Variants in NHS observed in about 807,000 individuals in gnomAD.
The protein encoded by NHS is NHS actin remodeling regulator.
A neutral mutation model predicts 72.5 loss-of-function variants in NHS; 5 were observed. The observed-to-expected ratio is 0.07, with a 90% confidence interval of 0.04 to 0.14. The LOEUF (loss-of-function observed/expected upper bound fraction) is 0.14. Among genes scored for constraint, NHS ranks in the 10% least tolerant of loss-of-function variants. The pLI, the probability that NHS is intolerant of heterozygous loss-of-function variation, is 1.00. For synonymous variants in NHS, 464 were observed against 547.7 expected, an observed-to-expected ratio of 0.85 and a Z score of 2.13; for missense variants, 1,072 against 1,355.7, an observed-to-expected ratio of 0.79 and a Z score of 3.29.
intron 5 of NHS, among the ~76,000 whole-genome samples, chrX:17,723,770 T>TGTGTGTGTGCGCGCGC (rs541219770): frequency 3.3e-5 from 3 of 91,335 alleles, no homozygotes; most frequent in African/African-American, 1.0e-4. Context: ...TGTGTGTGTG[T>TGTGTGTGTGCGCGCGC]GCGCGCGCGT....
intron 1 of NHS, among the ~76,000 whole-genome samples, chrX:17,383,991 A>T (rs1251145647): frequency 2.7e-5 from 3 of 112,154 alleles, no homozygotes; most frequent in African/African-American, 9.7e-5. Context: ...TGCATAAGTG[A>T]CAGCCCCAGG....
At chrX:17,387,774 C>T (rs1423680427) in intron 1 of NHS, among the ~76,000 whole-genome samples, 2 of 112,971 alleles carry the variant, frequency 1.8e-5, no homozygotes, top group Admixed American at 1.9e-4. Context: ...TTCTTTTCTT[C>T]ATCTGCTATG....
chrX:17,615,198 ATATAC>A (rs2065736566), intron 1 of NHS, among the ~76,000 whole-genome samples: 1 of 92,347 alleles, frequency 1.1e-5, no homozygotes, highest in African/African-American at 4.6e-5. Context: ...ATATACACAT[ATATAC>A]GTATATATAT....
At chrX:17,579,452 C>A (rs1377440131) in intron 1 of NHS, among the ~76,000 whole-genome samples, 1 of 111,057 alleles carries the variant, frequency 9.0e-6, no homozygotes, top group Non-Finnish European at 1.9e-5. Flanking sequence ...ATTCCATTCT[C>A]TCTCTCTCTC....
At chrX:17,520,836 C>T (rs1471035963) in intron 1 of NHS, among the ~76,000 whole-genome samples, 1 of 111,045 alleles carries the variant, frequency 9.0e-6, no homozygotes, top group African/African-American at 3.3e-5. Context: ...CCACCACTCT[C>T]TTTATTTACA....
intron 1 of NHS, among the ~76,000 whole-genome samples, chrX:17,436,374 A>G (rs1311555142): frequency 9.0e-6 from 1 of 110,691 alleles, no homozygotes; most frequent in African/African-American, 3.3e-5. Context: ...ATTTAAAGAA[A>G]AGCCCTCCCT....
chrX:17,647,430 A>G (rs1377152777), intron 1 of NHS, among the ~76,000 whole-genome samples: 3 of 111,896 alleles, frequency 2.7e-5, no homozygotes, highest in African/African-American at 9.8e-5. Flanking sequence ...AGATAGTTCA[A>G]TTTGGCCCTA....
At chrX:17,388,379 C>T (rs1029304710) in intron 1 of NHS, among the ~76,000 whole-genome samples, 3 of 111,081 alleles carry the variant, frequency 2.7e-5, no homozygotes, top group Non-Finnish European at 3.8e-5. Flanking sequence ...AGATTTGGGG[C>T]GGGGTTACTA....
At chrX:17,714,149 C>CT (rs745730534) in intron 3 of NHS, among the ~76,000 whole-genome samples, 4,768 of 98,373 alleles carry the variant, frequency 0.048, 125 homozygotes, top group Non-Finnish European at 0.076. Context: ...GGAAATTACT[C>CT]TTTTTTTTTT....
Position 17,726,940 on chromosome X carries a change from A to G in NHS, c.2834A>G (p.Tyr945Cys). 3 of 1,212,046 alleles carry G rather than the reference A, an allele frequency of 2.5e-6. No individual in the cohort carries two copies. The highest frequency in any genetic ancestry group is 3.3e-6 in the Non-Finnish European group (3 of 895,597). The change falls in exon 7 of 9, where the codon TAT (tyrosine) becomes TGT (cysteine). Residue 945 changes from tyrosine to cysteine, a missense_variant. Transcript: ENST00000676302. ...FKDEVAESTH[Y>C]ADLWLLNDLK... is the part of the protein sequence containing the mutation. The stretch of plus-strand genomic sequence containing the variant: ...GATGAAGTTGCCGAATCCACACACT[A>G]TGCAGACCTCTGGCTCCTAAATGAC...
intron 1 of NHS, among the ~76,000 whole-genome samples, chrX:17,498,426 C>T (rs1441501588): frequency 1.8e-5 from 2 of 111,684 alleles, no homozygotes; most frequent in South Asian, 3.8e-4. Context: ...GAGTAGGAAC[C>T]GTTCTCACAA....
At chrX:17,453,574 A>G (rs945986983) in intron 1 of NHS, among the ~76,000 whole-genome samples, 2 of 111,932 alleles carry the variant, frequency 1.8e-5, no homozygotes, top group Non-Finnish European at 3.8e-5. Flanking sequence ...ATTTTACTGT[A>G]TGACAAATTT....
chrX:17,529,378 C>T (rs961650386), intron 1 of NHS, among the ~76,000 whole-genome samples: 1 of 111,627 alleles, frequency 9.0e-6, no homozygotes, highest in African/African-American at 3.3e-5. Flanking sequence ...CAGAAAAGTG[C>T]ATGTACATAT....
intron 1 of NHS, among the ~76,000 whole-genome samples, chrX:17,575,640 C>G (rs2065506375): frequency 8.9e-6 from 1 of 111,978 alleles, no homozygotes; most frequent in Non-Finnish European, 1.9e-5. Flanking sequence ...TCCTTGATTT[C>G]TCTTTACTTC....
intron 3 of NHS, among the ~76,000 whole-genome samples, chrX:17,700,330 G>A (rs1227416373): frequency 9.2e-6 from 1 of 109,066 alleles, no homozygotes; most frequent in Non-Finnish European, 1.9e-5. Flanking sequence ...TGTAGTCCCA[G>A]CTACTCAGGA....
At chrX:17,432,092 T>G (rs749836525) in intron 1 of NHS, among the ~76,000 whole-genome samples, 1 of 112,649 alleles carries the variant, frequency 8.9e-6, no homozygotes, top group African/African-American at 3.2e-5. Flanking sequence ...ATGACAGCTA[T>G]GAAGCTACAC....
At chrX:17,564,230 G>T (rs910361711) in intron 1 of NHS, among the ~76,000 whole-genome samples, 1 of 111,912 alleles carries the variant, frequency 8.9e-6, no homozygotes. Context: ...ACCAGGTCTT[G>T]GCCTTGGTAC....
intron 1 of NHS, among the ~76,000 whole-genome samples, chrX:17,599,088 C>T (rs1402413002): frequency 1.8e-5 from 2 of 112,220 alleles, no homozygotes; most frequent in Non-Finnish European, 3.8e-5. Flanking sequence ...CTTTTTGTTG[C>T]TTTGTAGTAT....
chrX:17,692,610 T>G, intron 3 of NHS, 142 bp downstream of exon 3: 3 of 750,838 alleles, frequency 4.0e-6, no homozygotes, highest in Admixed American at 2.9e-5. Context: ...CAAATTAATT[T>G]CCCTTCCTTT....
Sources: gnomAD v4.1 joint callset for allele counts (sites outside exome capture counted in the v4.1 genomes callset) on GRCh38, gnomAD v4.1.1 for gene constraint, MANE v1.5 for transcripts, NCBI Gene and HGNC (gene_info 2026-07-23, HGNC 2026-07-21) for gene names.